The following SLC6A16 variants were observed in gnomAD, a reference collection of about 807,000 sequenced individuals.
The protein encoded by SLC6A16 is solute carrier family 6 member 16, also known as orphan sodium- and chloride-dependent neurotransmitter transporter NTT5.
In SLC6A16, 54 loss-of-function variants were observed where a neutral mutation model predicts 65.4. That is an observed-to-expected ratio of 0.83 (90% CI 0.66 to 1.04). The LOEUF (loss-of-function observed/expected upper bound fraction) is 1.04, where lower values mean the gene tolerates loss of function less well. Ranked by LOEUF, SLC6A16 falls within the 50% of genes least tolerant of loss-of-function variation. The pLI is 0.00. For synonymous variants in SLC6A16, 330 were observed against 346.5 expected (o/e 0.95, Z 0.53); for missense variants, 816 against 914.0 (o/e 0.89, Z 1.38).
In SLC6A16 at chr19:49,289,889, T is replaced by G; in HGVS notation, c.*234A>C. 4 of 559,652 alleles carry G rather than the reference T, an allele frequency of 7.1e-6. No individual in the cohort carries two copies. Among genetic ancestry groups the G allele is most frequent in the Non-Finnish European group, 9.6e-6 (3 of 313,250 alleles). 34.7% of individuals were successfully genotyped at this position (559,652 alleles called of 1,614,324 possible). The stretch of plus-strand genomic sequence containing the variant: ...ACTAGTATTGTATATGTGTTGTGCA[T>G]GTATGTGTGTTGAGGAAGAGGATGG... On this transcript the variant is annotated 3_prime_UTR_variant, in exon 12 of 12. Coordinates refer to ENST00000335875, the MANE Select transcript of SLC6A16 (RefSeq NM_014037.3).
chr19:49,324,190 G>A (rs1323840039), intron 1 of SLC6A16, among the ~76,000 whole-genome samples: 1 of 152,116 alleles, frequency 6.6e-6, no homozygotes, highest in Non-Finnish European at 1.5e-5. Flanking sequence ...AATTAGCTGG[G>A]GGTGGTGGCG....
At chr19:49,297,792 T>C (rs1970212817) in intron 7 of SLC6A16, among the ~76,000 whole-genome samples, 2 of 152,104 alleles carry the variant, frequency 1.3e-5, no homozygotes, top group Admixed American at 1.3e-4. Context: ...TCCAGTATCA[T>C]AGATGAATAC....
chr19:49,310,241 G>A (rs1450536034), intron 3 of SLC6A16, 75 bp from the exon 4 acceptor site: 2 of 1,605,122 alleles, frequency 1.2e-6, no homozygotes, highest in Non-Finnish European at 1.7e-6. Context: ...CAGAGGATTG[G>A]GGAACCAAAG....
chr19:49,313,738 T>C (rs1217684695), intron 1 of SLC6A16, among the ~76,000 whole-genome samples: 1 of 150,884 alleles, frequency 6.6e-6, no homozygotes, highest in African/African-American at 2.4e-5. Context: ...GAGGTTACAG[T>C]AAGCCAAGAT....
intron 7 of SLC6A16, among the ~76,000 whole-genome samples, chr19:49,303,776 T>G (rs1311413494): frequency 6.6e-6 from 1 of 152,236 alleles, no homozygotes; most frequent in Non-Finnish European, 1.5e-5. Flanking sequence ...ACTATTATCA[T>G]ATTACTATTA....
At chr19:49,339,244 C>T in the SLC6A16 span, 2 of 1,203,256 alleles carry the variant, frequency 1.7e-6, no homozygotes, top group South Asian at 1.3e-5. This position sits in a 1 kb window ranked among gnomAD's most constrained non-coding sequence, Gnocchi z 4.5. Flanking sequence ...TGCCTGAAGA[C>T]GGTGAGGGTT....
rs5828385 is a variant in SLC6A16 at position 49,313,072 on chromosome 19, C to CAAAAAAA, written c.-64-1668_-64-1662dup. On this transcript the variant is annotated intron_variant, in intron 1 of 11. Transcript: ENST00000335875. The stretch of plus-strand genomic sequence containing the variant: ...CACTCCAGCCTGGGCAACCCTGTCT[C>CAAAAAAA]AAAAAAAAAAAAAAAAAAAAAAAGA... Among the ~76,000 whole-genome samples the CAAAAAAA allele has an allele frequency of 3.1e-3, 295 of 95,760 alleles. 16 individuals carry two copies. Among genetic ancestry groups the CAAAAAAA allele is most frequent in the African/African-American group, 0.014 (263 of 18,964 alleles). 62.8% of individuals were successfully genotyped at this position (95,760 alleles called of 152,430 possible).
upstream of SLC6A16, among the ~76,000 whole-genome samples, chr19:49,325,622 C>T (rs370302914): frequency 6.6e-6 from 1 of 152,144 alleles, no homozygotes; most frequent in Non-Finnish European, 1.5e-5. Context: ...AGCTCAGAAG[C>T]CTACTAGGGC....
At chr19:49,333,248 G>A in the SLC6A16 span, among the ~76,000 whole-genome samples, 8 of 151,716 alleles carry the variant, frequency 5.3e-5, no homozygotes, top group South Asian at 2.1e-4. Flanking sequence ...CGAGGTGAGC[G>A]GATCACTTGA....
At chr19:49,300,670 C>A (rs1194206970) in intron 7 of SLC6A16, among the ~76,000 whole-genome samples, 12 of 152,106 alleles carry the variant, frequency 7.9e-5, no homozygotes, top group African/African-American at 2.9e-4. Flanking sequence ...GGAGACAGAG[C>A]CAATTATTTC....
upstream of SLC6A16, among the ~76,000 whole-genome samples, chr19:49,329,100 G>GTT (rs896360648): frequency 1.3e-5 from 2 of 149,382 alleles, no homozygotes; most frequent in East Asian, 3.9e-4. Context: ...TGTTTATTGT[G>GTT]TTTTTTTTTT....
the SLC6A16 span, chr19:49,337,213 C>G: frequency 1.9e-6 from 3 of 1,614,010 alleles, no homozygotes; most frequent in African/African-American, 2.7e-5. Context: ...CTCCACTCAG[C>G]GGGCCCAGGT....
rs752168236 is a variant in SLC6A16 at position 49,310,474 on chromosome 19, A to G, written c.452T>C (p.Leu151Pro). The change falls in exon 3 of 12, where the codon CTG (leucine) becomes CCG (proline). Residue 151 changes from leucine (L) to proline (P), a missense_variant. Physicochemically the swap from Leu to Pro is moderately conservative, Grantham distance 98. Transcript: ENST00000335875. ...CAGGAAGAGAAGAGGAACCCCGACC[A>G]GGAACAGCATGAAGATGTAGATGGC... ...FAAIYIFMLF[L>P]VGVPLLFLEM... 6.2e-7 allele frequency: 1 copy of G among 1,614,196 alleles called. No individual in the cohort carries two copies. The highest frequency in any genetic ancestry group is 8.5e-7 in the Non-Finnish European group (1 of 1,180,032).
chr19:49,290,463 A>C (rs2146056167), intron 11 of SLC6A16, 71 bp from the exon 12 acceptor site: 2 of 1,577,712 alleles, frequency 1.3e-6, no homozygotes, highest in Middle Eastern at 3.4e-4. Flanking sequence ...GTGGAGGGGA[A>C]GGATGGGTGG....
Position 49,325,137 on chromosome 19 carries a change from C to A in SLC6A16, c.-154G>T. Reference sequence around the variant, plus strand: ...AGCCCCAGCTGAGAAGCCTAGCAATCTCCTCAGGCCCCTTCAGGCGTCGAC... The same window carrying A: ...AGCCCCAGCTGAGAAGCCTAGCAATATCCTCAGGCCCCTTCAGGCGTCGAC... On this transcript the variant is annotated 5_prime_UTR_variant, in exon 1 of 12. Coordinates refer to ENST00000335875, the MANE Select transcript of SLC6A16 (RefSeq NM_014037.3). The A allele has an allele frequency of 1.0e-6, 1 of 985,536 alleles. No homozygotes were observed. The highest frequency in any genetic ancestry group is 1.2e-6 in the Non-Finnish European group (1 of 829,976). The allele number at this position is 985,536 out of a possible 1,614,324, so 61.0% of individuals were successfully genotyped here.
At chr19:49,305,592 CAAAAAA>C (rs566209079) in intron 7 of SLC6A16, among the ~76,000 whole-genome samples, 1 of 107,030 alleles carries the variant, frequency 9.3e-6, no homozygotes, top group African/African-American at 3.8e-5. Context: ...AGATCTGTCT[CAAAAAA>C]AAAAAAAAAA....
At chr19:49,315,515 G>A (rs1970600899) in intron 1 of SLC6A16, among the ~76,000 whole-genome samples, 1 of 152,184 alleles carries the variant, frequency 6.6e-6, no homozygotes, top group Admixed American at 6.5e-5. Flanking sequence ...CTTTGGGGCT[G>A]GTCATGGTGG....
At position 49,308,899 on chromosome 19, in the gene SLC6A16, G is replaced by T. The variant is rs1161360989; in HGVS notation, c.1206C>A (p.Val402=). 6.2e-7 allele frequency: 1 copy of T among 1,614,156 alleles called. No homozygotes were observed. Among genetic ancestry groups the T allele is most frequent in the South Asian group, 1.1e-5 (1 of 91,072 alleles). The part of the protein sequence containing the change: ...NFCVLGFWAT[V]ITHRCCERNA... ...ACCTCTCACAGCAGCGATGTGTGAT[G>T]ACTGTCGCCCAGAAGCCCAGGACAC... The change falls in exon 7 of 12, where the codon GTC becomes GTA. Residue 402 remains valine, a synonymous_variant. Coordinates refer to ENST00000335875, the MANE Select transcript of SLC6A16 (RefSeq NM_014037.3).
At chr19:49,293,638 C>T (rs1970124350) in intron 9 of SLC6A16, among the ~76,000 whole-genome samples, 189 bp downstream of exon 9, 1 of 152,136 alleles carries the variant, frequency 6.6e-6, no homozygotes, top group South Asian at 2.1e-4. Flanking sequence ...GTGATGCACG[C>T]CTATGGTCCC....
Sources: allele counts gnomAD v4.1 joint callset (sites outside exome capture counted in the v4.1 genomes callset), GRCh38; gene constraint gnomAD v4.1.1; non-coding constraint Gnocchi (gnomAD v3.1); transcripts MANE v1.5; gene names NCBI Gene and HGNC (gene_info 2026-07-23, HGNC 2026-07-21).